Variants in SNX29 observed in about 807,000 individuals in gnomAD.
SNX29 encodes the protein sorting nexin-29.
SNX29 carries 78 observed loss-of-function variants against 102.1 expected under a neutral mutation model. The observed-to-expected ratio is 0.76, with a 90% CI of 0.64 to 0.92. The LOEUF (loss-of-function observed/expected upper bound fraction) is 0.92. Among genes scored for constraint, SNX29 ranks in the 40% least tolerant of loss-of-function variants. SNX29 has a pLI of 0.00. For missense variants in SNX29, 1,280 were observed against 1,061.7 expected, an observed-to-expected ratio of 1.21 and a Z score of -2.86; for synonymous variants, 580 against 414.5, an observed-to-expected ratio of 1.40 and a Z score of -4.85.
At chr16:12,068,765 G>A (rs1472874786) in intron 9 of SNX29, among the ~76,000 whole-genome samples, 1 of 152,006 alleles carries the variant, frequency 6.6e-6, no homozygotes, top group African/African-American at 2.4e-5. Context: ...GGCCGGTCTC[G>A]AACTCCTGAC....
At chr16:12,556,879 G>T (rs1470052327) in intron 20 of SNX29, among the ~76,000 whole-genome samples, 1 of 151,740 alleles carries the variant, frequency 6.6e-6, no homozygotes, top group Non-Finnish European at 1.5e-5. Context: ...TTGAGATAGG[G>T]TCTCCGTCTG....
intron 10 of SNX29, among the ~76,000 whole-genome samples, chr16:12,074,958 G>A (rs929215575): frequency 1.3e-5 from 2 of 152,018 alleles, no homozygotes; most frequent in Non-Finnish European, 2.9e-5. Flanking sequence ...TGATCGCATC[G>A]GCTCCTGAGG....
intron 15 of SNX29, among the ~76,000 whole-genome samples, chr16:12,285,660 G>A (rs1189648722): frequency 6.6e-6 from 1 of 152,164 alleles, no homozygotes; most frequent in African/African-American, 2.4e-5. Flanking sequence ...CACCACCAGT[G>A]CCTGCCTCAT....
intron 11 of SNX29, among the ~76,000 whole-genome samples, chr16:12,107,771 GT>G (rs1334765193): frequency 6.6e-6 from 1 of 152,142 alleles, no homozygotes; most frequent in Non-Finnish European, 1.5e-5. Flanking sequence ...TTGTTCTGGA[GT>G]TTCATTCTCA....
chr16:12,244,694 T>C (rs1359166373), intron 14 of SNX29, among the ~76,000 whole-genome samples: 1 of 152,220 alleles, frequency 6.6e-6, no homozygotes. Context: ...TTTTCAGTAC[T>C]GATCAGAGCC....
chr16:12,086,258 C>T (rs1390911003), intron 11 of SNX29, among the ~76,000 whole-genome samples: 2 of 152,088 alleles, frequency 1.3e-5, no homozygotes, highest in East Asian at 1.9e-4. Flanking sequence ...CCCGCCTCGG[C>T]GTCTCAAAGT....
intron 20 of SNX29, among the ~76,000 whole-genome samples, chr16:12,534,474 G>A (rs1052676113): frequency 6.6e-6 from 1 of 152,204 alleles, no homozygotes; most frequent in Admixed American, 6.5e-5. Flanking sequence ...TTTGGTTTTT[G>A]TTTTCGGGGT....
intron 15 of SNX29, among the ~76,000 whole-genome samples, chr16:12,306,162 A>C (rs1248640744): frequency 2.6e-5 from 4 of 152,050 alleles, no homozygotes; most frequent in African/African-American, 9.7e-5. Flanking sequence ...TGAACAGACT[A>C]TTTTATTTTA....
Position 12,111,869 on chromosome 16 carries a change from G to A in SNX29, c.1403-14764G>A, listed in dbSNP as rs533118779. Reference sequence around the variant, plus strand: ...TGGGTTGCTTCCCCAGATCCGTGTCGCCTGCTTCTCTGAAGATCTGAGATG... The same window carrying A: ...TGGGTTGCTTCCCCAGATCCGTGTCACCTGCTTCTCTGAAGATCTGAGATG... On this transcript the variant is annotated intron_variant, in intron 11 of 20. Transcript: ENST00000566228. 7.9e-5 allele frequency among the ~76,000 whole-genome samples: 12 copies of A among 152,236 alleles called. No homozygotes were observed. In the South Asian group the frequency reaches 1.2e-3, roughly 16 times the overall value.
At chr16:12,564,032 G>A (rs1449464811) in intron 20 of SNX29, among the ~76,000 whole-genome samples, 1 of 149,530 alleles carries the variant, frequency 6.7e-6, no homozygotes, top group Admixed American at 6.7e-5. Context: ...TTGAGGAGTT[G>A]CACCGGTAAA....
chr16:12,570,641 A>G lies in SNX29; in HGVS notation c.*2012A>G, dbSNP rs975982119. ...TCTGTTGGATAAAGGAACCTCCCCC[A>G]TCTGTGACATTCCCTTGGGCCCAGG... is the stretch of plus-strand genomic sequence containing the variant. On this transcript the variant is annotated 3_prime_UTR_variant, in exon 21 of 21. Transcript: ENST00000566228. 2 of 231,950 alleles carry G rather than the reference A, an allele frequency of 8.6e-6. No individual in the cohort carries two copies. Among genetic ancestry groups the G allele is most frequent in the East Asian group, 1.2e-4 (2 of 16,408 alleles). 14.4% of individuals were successfully genotyped at this position (231,950 alleles called of 1,614,324 possible).
At chr16:12,021,541 A>G (rs945550697) in intron 3 of SNX29, among the ~76,000 whole-genome samples, 1 of 152,198 alleles carries the variant, frequency 6.6e-6, no homozygotes, top group African/African-American at 2.4e-5. Context: ...ATGCAAAAGT[A>G]TAGGATTCTT....
At chr16:12,328,154 C>T (rs892148893) in intron 15 of SNX29, among the ~76,000 whole-genome samples, 2 of 152,178 alleles carry the variant, frequency 1.3e-5, no homozygotes, top group African/African-American at 2.4e-5. Flanking sequence ...GCATATGGCA[C>T]GTTTGGCACA....
intron 20 of SNX29, among the ~76,000 whole-genome samples, chr16:12,557,135 C>T (rs551560686): frequency 1.2e-4 from 18 of 151,950 alleles, no homozygotes; most frequent in East Asian, 5.9e-4. Flanking sequence ...ACACAGGAGT[C>T]ACTGCCCCTG....
chr16:12,344,491 G>A (rs1052843753), intron 15 of SNX29, among the ~76,000 whole-genome samples: 1 of 152,170 alleles, frequency 6.6e-6, no homozygotes, highest in Non-Finnish European at 1.5e-5. Context: ...TTTAAAACAG[G>A]GTTTGGCAAA....
At chr16:12,446,469 C>T (rs189072776) in intron 18 of SNX29, among the ~76,000 whole-genome samples, 1 of 152,332 alleles carries the variant, frequency 6.6e-6, no homozygotes, top group Non-Finnish European at 1.5e-5. Flanking sequence ...AATGTAGTAA[C>T]TGCCTCTAAT....
chr16:12,172,137 T>A (rs2076163305), intron 13 of SNX29, among the ~76,000 whole-genome samples: 2 of 152,232 alleles, frequency 1.3e-5, no homozygotes, highest in South Asian at 4.1e-4. Context: ...CATGAAGTGT[T>A]GCCTAAGAAT....
At chr16:12,513,158 A>C (rs2089707933) in intron 19 of SNX29, among the ~76,000 whole-genome samples, 1 of 140,000 alleles carries the variant, frequency 7.1e-6, no homozygotes, top group African/African-American at 2.7e-5. Flanking sequence ...CCTTCCTCTG[A>C]ACTCCTCTCC....
At chr16:12,438,331 T>G (rs2085632724) in intron 18 of SNX29, among the ~76,000 whole-genome samples, 1 of 152,196 alleles carries the variant, frequency 6.6e-6, no homozygotes, top group Admixed American at 6.5e-5. Flanking sequence ...AGAGCTCAGC[T>G]GGGTTCAGCG....
Sources: allele counts gnomAD v4.1 joint callset (sites outside exome capture counted in the v4.1 genomes callset), GRCh38; gene constraint gnomAD v4.1.1; transcripts MANE v1.5; gene names NCBI Gene and HGNC (gene_info 2026-07-23, HGNC 2026-07-21).